PLG: variants seen among roughly 807,000 people sequenced by gnomAD.
PLG encodes plasmin.
PLG carries 41 observed loss-of-function variants against 104.4 expected under a neutral mutation model. That is an observed-to-expected ratio of 0.39 (90% CI 0.31 to 0.51). The LOEUF (loss-of-function observed/expected upper bound fraction) is 0.51, where lower values mean the gene tolerates loss of function less well. Ranked by LOEUF, PLG falls within the 20% of genes least tolerant of loss-of-function variation. The probability of loss-of-function intolerance (pLI) is 0.76; values close to 1 mark genes in which losing one functional copy is unlikely to be tolerated. For missense variants in PLG, 891 were observed against 1,003.6 expected, an observed-to-expected ratio of 0.89 and a Z score of 1.52; for synonymous variants, 337 against 357.1, an observed-to-expected ratio of 0.94 and a Z score of 0.63.
chr6:160,711,731 T>A, intron 4 of PLG: 1 of 1,607,878 alleles, frequency 6.2e-7, no homozygotes, highest in Admixed American at 1.7e-5. Context: ...AATGAAACTA[T>A]GAGTTTTAGG....
intron 5 of PLG, 160 bp downstream of exon 5, chr6:160,713,285 T>TC (rs1777676923): frequency 4.0e-5 from 27 of 667,684 alleles, no homozygotes; most frequent in South Asian, 4.0e-4. Context: ...TTTTTTTTTT[T>TC]CTGAGACAGA....
chr6:160,753,399 A>G lies in PLG; in HGVS notation c.*338A>G, dbSNP rs535600388. 1 of 386,132 alleles carries G rather than the reference A, an allele frequency of 2.6e-6. No homozygotes were observed. Among genetic ancestry groups the G allele is most frequent in the Non-Finnish European group, 4.9e-6 (1 of 202,642 alleles). The allele number at this position is 386,132 out of a possible 1,614,324, so 23.9% of individuals were successfully genotyped here. On this transcript the variant is annotated 3_prime_UTR_variant, in exon 19 of 19. Coordinates refer to ENST00000308192, the MANE Select transcript of PLG (RefSeq NM_000301.5). This position sits in a 1 kb window ranked among gnomAD's most constrained non-coding sequence, Gnocchi z 5.4. ...GCTGCTTTTGATAAGGAACAGCTGC[A>G]CAAAGGACTGAGCAGGCTGCAAGGT... is the stretch of plus-strand genomic sequence containing the variant.
intron 17 of PLG, among the ~76,000 whole-genome samples, chr6:160,745,757 T>C (rs1251262415): frequency 3.3e-5 from 5 of 152,350 alleles, no homozygotes; most frequent in South Asian, 2.1e-4. Flanking sequence ...TTAAGTATAT[T>C]TTTGTATTGG....
chr6:160,745,752 T>A (rs183855539), intron 17 of PLG, among the ~76,000 whole-genome samples: 2 of 152,248 alleles, frequency 1.3e-5, no homozygotes, highest in Non-Finnish European at 2.9e-5. Context: ...CGTATTTAAG[T>A]ATATTTTTGT....
At position 160,711,706 on chromosome 6, in the gene PLG, A is replaced by G; in HGVS notation, c.407+515A>G. 3 of 1,608,552 alleles carry G rather than the reference A, an allele frequency of 1.9e-6. No individual in the cohort carries two copies. The Admixed American group carries it at 5.0e-5, about 27-fold the overall frequency. On this transcript the variant is annotated intron_variant, in intron 4 of 18. Coordinates refer to ENST00000308192, the MANE Select transcript of PLG (RefSeq NM_000301.5). ...AGACCTAGAACATAGAAGAATGCCT[A>G]GTTTAAAAAAAATCAATGAAACTAT...
rs1484149294 is a variant in PLG at position 160,723,317 on chromosome 6, A to G, written c.1256+750A>G. Among the ~76,000 whole-genome samples, 1 of 152,234 alleles carries G rather than the reference A, an allele frequency of 6.6e-6. No individual in the cohort carries two copies. The highest frequency in any genetic ancestry group is 1.5e-5 in the Non-Finnish European group (1 of 68,042). On this transcript the variant is annotated intron_variant, in intron 10 of 18. Coordinates refer to ENST00000308192, the MANE Select transcript of PLG (RefSeq NM_000301.5). This position sits in a 1 kb window ranked among gnomAD's most constrained non-coding sequence, Gnocchi z 4.7. Reference sequence around the variant, plus strand: ...GCGAAAGAGGCCATTAGATGAACAGAAAACCAGGTCTAACAAGGACAGCTT... The same window carrying G: ...GCGAAAGAGGCCATTAGATGAACAGGAAACCAGGTCTAACAAGGACAGCTT...
intron 1 of PLG, among the ~76,000 whole-genome samples, chr6:160,704,271 T>G (rs1777477926): frequency 1.3e-5 from 2 of 152,342 alleles, no homozygotes; most frequent in South Asian, 4.1e-4. Context: ...AGAGAAAAGT[T>G]TGATTCTGTT....
intron 5 of PLG, among the ~76,000 whole-genome samples, chr6:160,713,659 A>G (rs535295384): frequency 5.1e-4 from 78 of 152,262 alleles, no homozygotes; most frequent in African/African-American, 1.8e-3. Context: ...TATGCTTACA[A>G]CTCTTACACA....
At chr6:160,711,988 A>G (rs1193097983) in intron 4 of PLG, 3 of 1,104,594 alleles carry the variant, frequency 2.7e-6, no homozygotes, top group Non-Finnish European at 3.4e-6. Context: ...CGCTTATCAA[A>G]TAGGAACTTA....
At chr6:160,708,997 A>G (rs1777585675) in intron 3 of PLG, among the ~76,000 whole-genome samples, 1 of 151,870 alleles carries the variant, frequency 6.6e-6, no homozygotes. Context: ...GATTCTCCTG[A>G]TTCTCTCTAC....
chr6:160,704,441 A>T (rs965432634), intron 1 of PLG, among the ~76,000 whole-genome samples: 1 of 152,258 alleles, frequency 6.6e-6, no homozygotes, highest in Non-Finnish European at 1.5e-5. Context: ...ATACTTCAAA[A>T]AAACTCTTCA....
chr6:160,738,645 GTCTTA>G lies in PLG; in HGVS notation c.1877+34_1877+38del, dbSNP rs1256840518. ...TAGGGGACAATTGACATGAAGTCTT[GTCTTA>G]AATACTTTTTCTGTCCTTCTTTTCC... On this transcript the variant is annotated intron_variant, in intron 15 of 18. Coordinates refer to ENST00000308192, the MANE Select transcript of PLG (RefSeq NM_000301.5). This position sits in a 1 kb window ranked among gnomAD's most constrained non-coding sequence, Gnocchi z 6.8. The G allele has an allele frequency of 7.4e-7, 1 of 1,343,528 alleles. No individual in the cohort carries two copies. Among genetic ancestry groups the G allele is most frequent in the Non-Finnish European group, 1.1e-6 (1 of 932,796 alleles). 83.2% of individuals were successfully genotyped at this position (1,343,528 alleles called of 1,614,324 possible).
chr6:160,711,517 G>C, intron 4 of PLG: 1 of 1,541,534 alleles, frequency 6.5e-7, no homozygotes, highest in Non-Finnish European at 8.8e-7. Context: ...CATGGATACA[G>C]AGGGCCAACT....
intron 17 of PLG, among the ~76,000 whole-genome samples, chr6:160,747,408 A>G (rs548785701): frequency 6.6e-6 from 1 of 152,314 alleles, no homozygotes; most frequent in East Asian, 1.9e-4. Context: ...AGACTGTCTT[A>G]GGATCCCTGC....
chr6:160,748,972 C>A (rs552585248), intron 17 of PLG, among the ~76,000 whole-genome samples: 1 of 152,182 alleles, frequency 6.6e-6, no homozygotes, highest in East Asian at 1.9e-4. Flanking sequence ...TGGAGGTGGA[C>A]GCAGGACCAC....
At chr6:160,707,663 G>C (rs1488848866) in intron 2 of PLG, 37 bp from the exon 3 acceptor site, 2 of 1,526,646 alleles carry the variant, frequency 1.3e-6, no homozygotes, top group South Asian at 2.2e-5. Context: ...TTTAAATAAA[G>C]AAAAATACTT....
In PLG at chr6:160,736,681, T is replaced by C. The variant is rs946622720; in HGVS notation, c.1682-206T>C. Among the ~76,000 whole-genome samples the C allele has an allele frequency of 6.6e-6, 1 of 152,098 alleles. No individual in the cohort carries two copies. Among genetic ancestry groups the C allele is most frequent in the Admixed American group, 6.5e-5 (1 of 15,278 alleles). On this transcript the variant is annotated intron_variant, in intron 13 of 18. Coordinates refer to ENST00000308192, the MANE Select transcript of PLG (RefSeq NM_000301.5). The surrounding 1 kb of genome is among the most constrained non-coding windows in gnomAD (Gnocchi z 5.2). ...CTTCTCCAACAAAATAATTACAAAG[T>C]GCTTATATTTTCTTGAAAAGAGAGG... is the stretch of plus-strand genomic sequence containing the variant.
At chr6:160,728,793 G>A (rs912459010) in intron 10 of PLG, among the ~76,000 whole-genome samples, 1 of 151,972 alleles carries the variant, frequency 6.6e-6, no homozygotes, top group East Asian at 1.9e-4. Flanking sequence ...AACTTAAGCT[G>A]AAATAAAACA....
rs199771790 is a variant in PLG at position 160,718,766 on chromosome 6, G to C, written c.1024G>C (p.Val342Leu). 7 of 1,613,640 alleles carry C rather than the reference G, an allele frequency of 4.3e-6. No homozygotes were observed. The African/African-American group carries it at 9.3e-5, about 22-fold the overall frequency. ...ATGGTGCCATACAACCAACAGCCAAGTGCGGTGGGAGTACTGTAAGATACC... is the reference window on the plus strand; with the variant it reads ...ATGGTGCCATACAACCAACAGCCAACTGCGGTGGGAGTACTGTAAGATACC... ...APWCHTTNSQ[V>L]RWEYCKIPSC... The change falls in exon 9 of 19, where the codon GTG (valine) becomes CTG (leucine). Residue 342 changes from valine to leucine, a missense_variant. Physicochemically the swap from Val to Leu is conservative, Grantham distance 32. Around this residue, in one of 2 missense-constraint regions of PLG, gnomAD observed 854 missense variants for 932.1 expected, o/e 0.92. Transcript: ENST00000308192.
Sources: allele counts gnomAD v4.1 joint callset (sites outside exome capture counted in the v4.1 genomes callset), GRCh38; gene constraint gnomAD v4.1.1; regional missense constraint gnomAD v4.1.1; non-coding constraint Gnocchi (gnomAD v3.1); transcripts MANE v1.5; gene names NCBI Gene and HGNC (gene_info 2026-07-23, HGNC 2026-07-21).